DAPK1: variants seen among roughly 807,000 people sequenced by gnomAD.
DAPK1 encodes the protein death-associated protein kinase 1.
In DAPK1, 56 loss-of-function variants were observed where a neutral mutation model predicts 144.9. The ratio of observed to expected loss-of-function variants is 0.39; its 90% CI spans 0.31 to 0.48. The LOEUF is 0.48. DAPK1 is among the 20% of genes least tolerant of loss of function. The pLI is 0.95. For missense variants in DAPK1, 1,454 were observed against 1,875.4 expected (o/e 0.78, Z 4.15); for synonymous variants, 690 against 749.0 (o/e 0.92, Z 1.29).
At chr9:87,705,678 A>G (rs1825611856) in intron 25 of DAPK1, among the ~76,000 whole-genome samples, 1 of 152,204 alleles carries the variant, frequency 6.6e-6, no homozygotes, top group Admixed American at 6.5e-5. Flanking sequence ...TTTCCCACAT[A>G]ACCCAATATA....
intron 2 of DAPK1, among the ~76,000 whole-genome samples, chr9:87,542,292 A>C (rs537613708): frequency 6.6e-6 from 1 of 152,374 alleles, no homozygotes; most frequent in East Asian, 1.9e-4. Context: ...AGTGTTTAGC[A>C]CTGCTTCTTA....
At chr9:87,512,360 A>C (rs1824880440) in intron 2 of DAPK1, among the ~76,000 whole-genome samples, 1 of 152,112 alleles carries the variant, frequency 6.6e-6, no homozygotes, top group Non-Finnish European at 1.5e-5. Flanking sequence ...TGACCAAGAG[A>C]AGCCTTGTGC....
At position 87,632,429 on chromosome 9, in the gene DAPK1, T is replaced by A. The variant is rs1254273198; in HGVS notation, c.285-5514T>A. The A allele has an allele frequency of 3.1e-6, 3 of 982,092 alleles. No individual in the cohort carries two copies. In the African/African-American group the frequency reaches 5.3e-5, roughly 17 times the overall value. 60.8% of individuals were successfully genotyped at this position (982,092 alleles called of 1,614,324 possible). A position where few individuals can be genotyped will look rare whatever the true frequency, so the allele number is the denominator to read the frequency against. On this transcript the variant is annotated intron_variant, in intron 3 of 25. Coordinates refer to ENST00000408954, the MANE Select transcript of DAPK1 (RefSeq NM_004938.4). ...ACATGTAGGGATGAAGGAGGATAAGTGTGTATGTAAGGATGAAGGAGGATG... is the reference window on the plus strand; with the variant it reads ...ACATGTAGGGATGAAGGAGGATAAGAGTGTATGTAAGGATGAAGGAGGATG...
At chr9:87,701,741 C>A in intron 24 of DAPK1, 4 of 277,484 alleles carry the variant, frequency 1.4e-5, no homozygotes, top group East Asian at 9.6e-5. Flanking sequence ...TTTTTTTTAA[C>A]TGCTTTGCTA....
At chr9:87,641,390 T>C (rs1830087723) in intron 9 of DAPK1, among the ~76,000 whole-genome samples, 1 of 152,150 alleles carries the variant, frequency 6.6e-6, no homozygotes, top group African/African-American at 2.4e-5. Flanking sequence ...GAAAGTATGA[T>C]AGTTACAGAA....
At chr9:87,540,481 G>GT (rs1563982691) in intron 2 of DAPK1, among the ~76,000 whole-genome samples, 1 of 152,088 alleles carries the variant, frequency 6.6e-6, no homozygotes, top group Non-Finnish European at 1.5e-5. Flanking sequence ...ATGAGCCGCC[G>GT]TGCCTGGCCT....
chr9:87,597,455 T>C (rs750733260), intron 2 of DAPK1, among the ~76,000 whole-genome samples: 1 of 152,166 alleles, frequency 6.6e-6, no homozygotes, highest in Non-Finnish European at 1.5e-5. Flanking sequence ...AGTTGTTGCA[T>C]AGAAAAATGT....
intron 3 of DAPK1, among the ~76,000 whole-genome samples, chr9:87,626,441 AAACAAC>A (rs35079710): frequency 4.0e-4 from 60 of 151,502 alleles, no homozygotes; most frequent in African/African-American, 7.3e-4. Context: ...AACAAACAAA[AAACAAC>A]AACAACAACA....
At chr9:87,692,745 T>A (rs1450559093) in intron 21 of DAPK1, among the ~76,000 whole-genome samples, 1 of 152,098 alleles carries the variant, frequency 6.6e-6, no homozygotes, top group African/African-American at 2.4e-5. Context: ...CTAGTGATGA[T>A]CACTTCCCCC....
chr9:87,637,829 C>G, intron 3 of DAPK1, 114 bp from the exon 4 acceptor site: 1 of 1,178,278 alleles, frequency 8.5e-7, no homozygotes, highest in Non-Finnish European at 1.2e-6. Flanking sequence ...GCGGTTTCAG[C>G]ATAGTCTTTA....
intron 2 of DAPK1, among the ~76,000 whole-genome samples, chr9:87,566,064 A>G (rs1827111215): frequency 7.2e-6 from 1 of 139,492 alleles, no homozygotes; most frequent in Non-Finnish European, 1.5e-5. Context: ...TCTGTGGCCC[A>G]GGCTGGAGTG....
chr9:87,656,814 C>T (rs982625852), intron 17 of DAPK1, among the ~76,000 whole-genome samples: 1 of 152,178 alleles, frequency 6.6e-6, no homozygotes, highest in Non-Finnish European at 1.5e-5. Context: ...GCTATGACCA[C>T]ATCTCGGCTG....
At chr9:87,606,639 C>A (rs1438503415) in intron 3 of DAPK1, among the ~76,000 whole-genome samples, 9 of 119,028 alleles carry the variant, frequency 7.6e-5, no homozygotes, top group Non-Finnish European at 1.3e-4. Context: ...TTTTCTCCCT[C>A]CCTCCATCTC....
At chr9:87,655,212 A>AGT (rs1830590975) in intron 17 of DAPK1, among the ~76,000 whole-genome samples, 1 of 152,176 alleles carries the variant, frequency 6.6e-6, no homozygotes, top group Non-Finnish European at 1.5e-5. Context: ...TCTGGACAGA[A>AGT]GTGTGCTGGT....
intron 18 of DAPK1, among the ~76,000 whole-genome samples, chr9:87,666,846 T>C (rs1432275474): frequency 6.6e-6 from 1 of 152,126 alleles, no homozygotes; most frequent in East Asian, 1.9e-4. Context: ...ATCCTGTCGG[T>C]GAAAGGCCTC....
rs201017332 is a variant in DAPK1, at chr9:87,680,651, A to G, written c.2002-753A>G. Among the ~76,000 whole-genome samples, 423 of 114,480 alleles carry G rather than the reference A, an allele frequency of 3.7e-3. 3 individuals carry two copies. Among genetic ancestry groups the G allele is most frequent in the African/African-American group, 0.01 (377 of 36,650 alleles). 75.1% of individuals were successfully genotyped at this position (114,480 alleles called of 152,430 possible). A position where few individuals can be genotyped will look rare whatever the true frequency, so the allele number is the denominator to read the frequency against. On this transcript the variant is annotated intron_variant, in intron 19 of 25. Coordinates refer to ENST00000408954, the MANE Select transcript of DAPK1 (RefSeq NM_004938.4). ...AAGTGTGGGGGTCACACACACACAC[A>G]CGCGCACACACACACACACACATTG...
At chr9:87,590,002 A>G (rs568313864) in intron 2 of DAPK1, among the ~76,000 whole-genome samples, 15 of 152,288 alleles carry the variant, frequency 9.8e-5, no homozygotes, top group South Asian at 4.1e-4. Context: ...TTATGACCCA[A>G]TTGGGGCAAG....
chr9:87,606,868 A>G (rs1431966532), intron 3 of DAPK1, among the ~76,000 whole-genome samples: 1 of 146,642 alleles, frequency 6.8e-6, no homozygotes, highest in Non-Finnish European at 1.5e-5. Context: ...ATCTTGGCAC[A>G]AGTGACATTT....
intron 2 of DAPK1, among the ~76,000 whole-genome samples, chr9:87,598,767 A>G (rs565839913): frequency 6.6e-6 from 1 of 152,348 alleles, no homozygotes; most frequent in Non-Finnish European, 1.5e-5. Context: ...AAAGTTAAAC[A>G]GGTTTCTTTT....
Sources: allele counts gnomAD v4.1 joint callset (sites outside exome capture counted in the v4.1 genomes callset), GRCh38; gene constraint gnomAD v4.1.1; transcripts MANE v1.5; gene names NCBI Gene and HGNC (gene_info 2026-07-23, HGNC 2026-07-21).